The following GRIK4 variants were observed in gnomAD, a reference collection of about 807,000 sequenced individuals.
GRIK4 encodes glutamate receptor ionotropic, kainate 4.
Under a neutral mutation model 104.9 loss-of-function variants are expected in GRIK4, and 40 were observed. The ratio of observed to expected loss-of-function variants is 0.38; its 90% confidence interval spans 0.30 to 0.50. GRIK4 has a LOEUF of 0.50. Among genes scored for constraint, GRIK4 ranks in the 20% least tolerant of loss-of-function variants. The probability of loss-of-function intolerance (pLI) is 0.93; values close to 1 mark genes in which losing one functional copy is unlikely to be tolerated. For missense variants in GRIK4, 1,047 were observed against 1,308.1 expected, an observed-to-expected ratio of 0.80 and a Z score of 3.08; for synonymous variants, 485 against 524.9, an observed-to-expected ratio of 0.92 and a Z score of 1.04.
At chr11:120,863,155 T>C (rs952804892) in intron 9 of GRIK4, among the ~76,000 whole-genome samples, 2 of 152,232 alleles carry the variant, frequency 1.3e-5, no homozygotes, top group African/African-American at 4.8e-5. Context: ...CCTGGCTAGA[T>C]GGAAGTACAG....
At chr11:120,870,431 A>G (rs1954572645) in intron 9 of GRIK4, 1 of 152,226 alleles carries the variant, frequency 6.6e-6, no homozygotes, top group Non-Finnish European at 1.5e-5. Flanking sequence ...CCTGCCCACC[A>G]TCCCTTCCTG....
At position 120,819,851 on chromosome 11, in the gene GRIK4, G is replaced by A. The variant is rs147686863; in HGVS notation, c.442G>A (p.Val148Met). The change falls in exon 6 of 21, where the codon GTG (valine) becomes ATG (methionine). Residue 148 changes from valine (V) to methionine (M), a missense_variant. This residue lies in a region of GRIK4 where 447 missense variants were observed against 514.9 expected (regional missense o/e 0.87). Transcript: ENST00000527524. This position sits in a 1 kb window ranked among gnomAD's most constrained non-coding sequence, Gnocchi z 4.3. ...CCACCCCAGCAACACTGACATCAGC[G>A]TGGCTGTAGCTGGGATCCTGAACTT... ...NLHPSNTDIS[V>M]AVAGILNFFN... The A allele has an allele frequency of 7.4e-6, 12 of 1,613,984 alleles. No homozygotes were observed. Among genetic ancestry groups the A allele is most frequent in the African/African-American group, 2.7e-5 (2 of 74,900 alleles).
At chr11:120,957,294 A>G (rs1318974888) in intron 16 of GRIK4, among the ~76,000 whole-genome samples, 1 of 152,254 alleles carries the variant, frequency 6.6e-6, no homozygotes, top group Non-Finnish European at 1.5e-5. Context: ...AGGCATATGC[A>G]GATTTATGCA....
chr11:120,857,031 T>A (rs923802256), intron 8 of GRIK4, among the ~76,000 whole-genome samples: 1 of 152,148 alleles, frequency 6.6e-6, no homozygotes, highest in Non-Finnish European at 1.5e-5. Flanking sequence ...ACTAAAGCTC[T>A]ACATTTCTTG....
chr11:120,969,641 A>G (rs1019037967), intron 19 of GRIK4, among the ~76,000 whole-genome samples: 4 of 152,208 alleles, frequency 2.6e-5, no homozygotes, highest in Non-Finnish European at 5.9e-5. Context: ...GATGATTGTC[A>G]GCATATGTTA....
chr11:120,716,048 G>T (rs571019568), intron 3 of GRIK4, among the ~76,000 whole-genome samples: 1 of 152,216 alleles, frequency 6.6e-6, no homozygotes, highest in South Asian at 2.1e-4. Context: ...GCAGGCTGGA[G>T]CCTGATGTCA....
intron 14 of GRIK4, among the ~76,000 whole-genome samples, chr11:120,944,124 T>A (rs987385738): frequency 3.9e-5 from 6 of 152,166 alleles, no homozygotes; most frequent in Non-Finnish European, 8.8e-5. Flanking sequence ...TTTTCCATCC[T>A]GCTTTTTAAA....
rs115504411 is a variant in GRIK4 at position 120,534,377 on chromosome 11, A to G, written c.-159+22490A>G. On this transcript the variant is annotated intron_variant, in intron 1 of 20. Transcript: ENST00000527524. ...TGAGTGCACACACCCAGAGCCCAGG[A>G]TAGAGACAAGTGGTGGGGCTGGGGA... 6.7e-3 allele frequency among the ~76,000 whole-genome samples: 1,015 copies of G among 152,262 alleles called. 17 individuals are homozygous for G. The highest frequency in any genetic ancestry group is 0.023 in the African/African-American group (944 of 41,550).
intron 3 of GRIK4, among the ~76,000 whole-genome samples, chr11:120,719,993 T>TAA (rs112426695): frequency 1.4e-5 from 2 of 141,608 alleles, no homozygotes; most frequent in Non-Finnish European, 3.1e-5. Context: ...TAAGGTAGAT[T>TAA]AAAAAAAAAA....
intron 1 of GRIK4, among the ~76,000 whole-genome samples, chr11:120,638,520 C>T (rs887197633): frequency 1.3e-5 from 2 of 151,550 alleles, no homozygotes; most frequent in Admixed American, 1.3e-4. Flanking sequence ...TCGTGTCACC[C>T]AGGCTGGAGT....
At chr11:120,834,837 G>A (rs948122833) in intron 7 of GRIK4, among the ~76,000 whole-genome samples, 1 of 152,250 alleles carries the variant, frequency 6.6e-6, no homozygotes, top group Non-Finnish European at 1.5e-5. Flanking sequence ...TAGGACAGCA[G>A]ATTTCACAAA....
In GRIK4 at chr11:120,815,402, T is replaced by C; in HGVS notation, c.272T>C (p.Val91Ala). ...GTGTGTCAGATCCTCCCCAAGGGGG[T>C]GGTCGCTGTCCTCGGACCATCGTCC... ...ETMCQILPKG[V>A]VAVLGPSSSP... Residue 91 changes from valine to alanine, a missense_variant, in exon 5 of 21, where the codon GTG becomes GCG. Physicochemically the swap from Val to Ala is moderately conservative, Grantham distance 64. This residue lies in a region of GRIK4 where 447 missense variants were observed against 514.9 expected (regional missense o/e 0.87). Transcript: ENST00000527524. The C allele has an allele frequency of 6.5e-7, 1 of 1,549,976 alleles. No homozygotes were observed. Among genetic ancestry groups the C allele is most frequent in the Non-Finnish European group, 8.7e-7 (1 of 1,145,700 alleles).
At chr11:120,598,333 A>C (rs1415393771) in intron 1 of GRIK4, among the ~76,000 whole-genome samples, 1 of 152,114 alleles carries the variant, frequency 6.6e-6, no homozygotes, top group Non-Finnish European at 1.5e-5. Context: ...TGTCTTGCCC[A>C]AGGTCATCTG....
Position 120,925,001 on chromosome 11 carries a change from A to G in GRIK4, c.1477-15346A>G, listed in dbSNP as rs756721803. ...AGATGCTGTCCACTTTGTGGATCCAATTGGTCACATCACTGCTCACTCCCT... is the reference window on the plus strand; with the variant it reads ...AGATGCTGTCCACTTTGTGGATCCAGTTGGTCACATCACTGCTCACTCCCT... On this transcript the variant is annotated intron_variant, in intron 13 of 20. Transcript: ENST00000527524. 1.4e-3 allele frequency among the ~76,000 whole-genome samples: 212 copies of G among 152,272 alleles called. 1 individual carries two copies. Among genetic ancestry groups the G allele is most frequent in the Middle Eastern group, 3.4e-3 (1 of 294 alleles).
At chr11:120,553,831 C>T (rs1052741258) in intron 1 of GRIK4, among the ~76,000 whole-genome samples, 8 of 152,274 alleles carry the variant, frequency 5.3e-5, no homozygotes, top group Non-Finnish European at 7.4e-5. Flanking sequence ...AGATGTCTCT[C>T]TCCGGAGTAG....
In GRIK4 at chr11:120,846,281, A is replaced by G. The variant is rs189359064; in HGVS notation, c.744+9437A>G. On this transcript the variant is annotated intron_variant, in intron 8 of 20. Coordinates refer to ENST00000527524, the MANE Select transcript of GRIK4 (RefSeq NM_014619.5). ...TTGCATATGGAAAATGCTACCATCA[A>G]CTACACTGAGTCAGCAAACATCTAT... Among the ~76,000 whole-genome samples the G allele has an allele frequency of 2.0e-3, 299 of 152,356 alleles. 1 individual carries two copies. The highest frequency in any genetic ancestry group is 6.8e-3 in the Middle Eastern group (2 of 294).
At chr11:120,668,806 T>C (rs142857837) in intron 3 of GRIK4, among the ~76,000 whole-genome samples, 4 of 152,346 alleles carry the variant, frequency 2.6e-5, no homozygotes, top group African/African-American at 9.6e-5. Context: ...TGTATGACTT[T>C]GGGCAAGAAC....
chr11:120,821,788 C>T (rs537231181), intron 6 of GRIK4, among the ~76,000 whole-genome samples: 291 of 152,334 alleles, frequency 1.9e-3, no homozygotes, highest in African/African-American at 6.7e-3. Flanking sequence ...CAGGCGTCTT[C>T]GAGCATCTCC....
intron 1 of GRIK4, among the ~76,000 whole-genome samples, chr11:120,528,049 G>A (rs931906015): frequency 1.6e-4 from 24 of 152,182 alleles, no homozygotes; most frequent in African/African-American, 3.4e-4. Context: ...CTGCAGCCTC[G>A]ATCTCCCGGG....
Sources: allele counts gnomAD v4.1 joint callset (sites outside exome capture counted in the v4.1 genomes callset), GRCh38; gene constraint gnomAD v4.1.1; regional missense constraint gnomAD v4.1.1; non-coding constraint Gnocchi (gnomAD v3.1); transcripts MANE v1.5; gene names NCBI Gene and HGNC (gene_info 2026-07-23, HGNC 2026-07-21).